Variants in GABRB1 observed in about 807,000 individuals in gnomAD.
GABRB1 encodes the protein gamma-aminobutyric acid receptor subunit beta-1.
In GABRB1, 17 loss-of-function variants were observed where a neutral mutation model predicts 51.6. The observed-to-expected ratio is 0.33, with a 90% CI of 0.23 to 0.49. The LOEUF is 0.49. Ranked by LOEUF, GABRB1 falls within the 20% of genes least tolerant of loss-of-function variation. GABRB1 has a pLI of 0.99. For synonymous variants in GABRB1, 247 were observed against 218.9 expected (o/e 1.13, Z -1.14); for missense variants, 410 against 600.6 (o/e 0.68, Z 3.32).
chr4:47,171,602 G>A (rs1273800212), intron 4 of GABRB1, among the ~76,000 whole-genome samples: 1 of 151,988 alleles, frequency 6.6e-6, no homozygotes, highest in Non-Finnish European at 1.5e-5. Flanking sequence ...GTGTATACAT[G>A]TATAAATTCA....
At chr4:47,373,619 T>A (rs774538476) in intron 5 of GABRB1, among the ~76,000 whole-genome samples, 1 of 152,188 alleles carries the variant, frequency 6.6e-6, no homozygotes, top group Non-Finnish European at 1.5e-5. Flanking sequence ...CCATTTGTCA[T>A]CTCTAGAATA....
At chr4:47,187,176 A>G (rs1190981128) in intron 4 of GABRB1, among the ~76,000 whole-genome samples, 1 of 151,792 alleles carries the variant, frequency 6.6e-6, no homozygotes, top group Non-Finnish European at 1.5e-5. Context: ...TTAAAAATAC[A>G]GTTTGTACCT....
At chr4:47,183,781 C>T (rs183925710) in intron 4 of GABRB1, among the ~76,000 whole-genome samples, 62 of 151,964 alleles carry the variant, frequency 4.1e-4, no homozygotes, top group African/African-American at 6.5e-4. Context: ...TTTTGCTTTT[C>T]GGTTCTATTC....
intron 5 of GABRB1, among the ~76,000 whole-genome samples, chr4:47,352,274 A>G (rs1293577214): frequency 6.6e-6 from 1 of 152,232 alleles, no homozygotes; most frequent in Non-Finnish European, 1.5e-5. Flanking sequence ...GCAATAATCA[A>G]TAGCTTACCA....
At chr4:47,376,369 G>A (rs538839447) in intron 5 of GABRB1, among the ~76,000 whole-genome samples, 3 of 152,192 alleles carry the variant, frequency 2.0e-5, no homozygotes, top group Non-Finnish European at 2.9e-5. Flanking sequence ...TAGATGGGCC[G>A]GGCGCAGTGG....
chr4:47,186,233 A>G (rs1719176569), intron 4 of GABRB1, among the ~76,000 whole-genome samples: 1 of 151,514 alleles, frequency 6.6e-6, no homozygotes, highest in African/African-American at 2.4e-5. Context: ...GCGGGGGGTA[A>G]GTCCTGATCT....
intron 4 of GABRB1, among the ~76,000 whole-genome samples, chr4:47,263,320 T>C (rs1722522911): frequency 6.6e-6 from 1 of 152,092 alleles, no homozygotes; most frequent in African/African-American, 2.4e-5. Context: ...CAAGGAGGAT[T>C]ACCTTGAACT....
chr4:47,248,196 G>A (rs181110224), intron 4 of GABRB1, among the ~76,000 whole-genome samples: 6 of 152,074 alleles, frequency 3.9e-5, no homozygotes, highest in Non-Finnish European at 7.4e-5. Context: ...TCCCTTGTAT[G>A]CCAATTTTGC....
At chr4:47,005,344 A>G (rs554104583) in intron 1 of GABRB1, among the ~76,000 whole-genome samples, 27 of 152,206 alleles carry the variant, frequency 1.8e-4, no homozygotes, top group African/African-American at 2.9e-4. Context: ...CGTGAACCCG[A>G]GAGGCGGAGC....
At chr4:47,322,198 T>A (rs1421332282) in intron 5 of GABRB1, among the ~76,000 whole-genome samples, 1 of 152,158 alleles carries the variant, frequency 6.6e-6, no homozygotes, top group Admixed American at 6.6e-5. Flanking sequence ...TAATAGGTGG[T>A]GACCCAGGCA....
intron 3 of GABRB1, among the ~76,000 whole-genome samples, chr4:47,090,733 C>T (rs1394226894): frequency 2.0e-5 from 3 of 152,128 alleles, no homozygotes; most frequent in Non-Finnish European, 2.9e-5. Context: ...ATCAGAAAGG[C>T]GAGTGTCGAT....
intron 3 of GABRB1, among the ~76,000 whole-genome samples, chr4:47,056,596 T>G (rs1297982272): frequency 2.0e-5 from 3 of 152,040 alleles, no homozygotes; most frequent in African/African-American, 7.2e-5. Flanking sequence ...GACAAACTGG[T>G]TGGGAATCCA....
intron 5 of GABRB1, among the ~76,000 whole-genome samples, chr4:47,346,213 T>C (rs1008336277): frequency 2.0e-5 from 3 of 152,230 alleles, no homozygotes; most frequent in Non-Finnish European, 2.9e-5. Context: ...CCACCACATA[T>C]GACCTGAAGA....
At chr4:47,120,350 A>C (rs1351504749) in intron 3 of GABRB1, among the ~76,000 whole-genome samples, 1 of 152,164 alleles carries the variant, frequency 6.6e-6, no homozygotes, top group East Asian at 1.9e-4. Context: ...AAAATCAACA[A>C]GGAAACATTG....
intron 3 of GABRB1, among the ~76,000 whole-genome samples, chr4:47,071,356 T>C (rs910635910): frequency 1.3e-5 from 2 of 152,196 alleles, no homozygotes; most frequent in African/African-American, 4.8e-5. Flanking sequence ...TGCTCCCACA[T>C]GTCAATGACT....
chr4:47,189,752 G>C (rs1719356992), intron 4 of GABRB1, among the ~76,000 whole-genome samples: 1 of 152,028 alleles, frequency 6.6e-6, no homozygotes. Flanking sequence ...CTTCAAGGTA[G>C]AGTACCTGTT....
intron 4 of GABRB1, among the ~76,000 whole-genome samples, chr4:47,305,237 T>C (rs539738118): frequency 6.6e-6 from 1 of 152,256 alleles, no homozygotes; most frequent in Non-Finnish European, 1.5e-5. Context: ...AATTTGAGCA[T>C]ACTTTTAGTA....
Position 47,275,775 on chromosome 4 carries a change from G to A in GABRB1, c.462-44352G>A, listed in dbSNP as rs963960551. Among the ~76,000 whole-genome samples, 8 of 152,066 alleles carry A rather than the reference G, an allele frequency of 5.3e-5. No homozygotes were observed. In the East Asian group the frequency reaches 7.7e-4, roughly 15 times the overall value. On this transcript the variant is annotated intron_variant, in intron 4 of 8. Transcript: ENST00000295454. ...CCCAGAATCTGCTATAGAATGAAGC[G>A]CATAAAAGATTCATGCACATTTGGC...
chr4:47,348,921 C>T lies in GABRB1; in HGVS notation c.544+28712C>T, dbSNP rs1726205306. On this transcript the variant is annotated intron_variant, in intron 5 of 8. Coordinates refer to ENST00000295454, the MANE Select transcript of GABRB1 (RefSeq NM_000812.4). ...ATTCCAGGGAGAGGTAAAAGGTGAACTAGATGAGACTTGGTAAAGTATACA... is the reference window on the plus strand; with the variant it reads ...ATTCCAGGGAGAGGTAAAAGGTGAATTAGATGAGACTTGGTAAAGTATACA... Among the ~76,000 whole-genome samples the T allele has an allele frequency of 2.6e-5, 4 of 152,100 alleles. No homozygotes were observed. In the South Asian group the frequency reaches 8.3e-4, roughly 32 times the overall value.
Sources: gnomAD v4.1 joint callset for allele counts (sites outside exome capture counted in the v4.1 genomes callset) on GRCh38, gnomAD v4.1.1 for gene constraint, MANE v1.5 for transcripts, NCBI Gene and HGNC (gene_info 2026-07-23, HGNC 2026-07-21) for gene names.